Variants in YPEL2 observed in about 807,000 individuals in gnomAD.
YPEL2 encodes the protein yippee like 2.
YPEL2 carries 2 observed loss-of-function variants against 19.1 expected under a neutral mutation model. That is an observed-to-expected ratio of 0.10 (90% CI 0.04 to 0.33). YPEL2 has a LOEUF of 0.33. Among genes scored for constraint, YPEL2 ranks in the 10% least tolerant of loss-of-function variants. YPEL2 has a pLI of 1.00. For missense variants in YPEL2, 66 were observed against 140.7 expected, an observed-to-expected ratio of 0.47 and a Z score of 2.68; for synonymous variants, 52 against 50.0, an observed-to-expected ratio of 1.04 and a Z score of -0.17.
intron 2 of YPEL2, chr17:59,354,789 C>T (rs1465724010): frequency 2.6e-5 from 4 of 152,260 alleles, no homozygotes; most frequent in Admixed American, 2.6e-4. Flanking sequence ...AATTCCTCTC[C>T]TTTATGCTGC....
intron 4 of YPEL2, among the ~76,000 whole-genome samples, chr17:59,392,459 A>G (rs1414445151): frequency 2.0e-5 from 3 of 150,678 alleles, no homozygotes; most frequent in Non-Finnish European, 4.4e-5. Context: ...GAAACACCCA[A>G]CACCCCAAAT....
intron 2 of YPEL2, chr17:59,355,173 T>C (rs2047806690): frequency 6.6e-6 from 1 of 152,220 alleles, no homozygotes; most frequent in Non-Finnish European, 1.5e-5. Flanking sequence ...AACCTTCATA[T>C]GAAGTCTTTA....
chr17:59,377,113 G>C (rs547907055), intron 2 of YPEL2, among the ~76,000 whole-genome samples: 1 of 152,200 alleles, frequency 6.6e-6, no homozygotes, highest in East Asian at 1.9e-4. Context: ...GAGTCGGTAG[G>C]TTTTGCCCAC....
chr17:59,388,175 A>T, intron 2 of YPEL2, 152 bp from the exon 3 acceptor site: 1 of 764,766 alleles, frequency 1.3e-6, no homozygotes, highest in Non-Finnish European at 2.3e-6. Flanking sequence ...CTCCGCCCCC[A>T]CACCATCTGC....
chr17:59,333,970 A>G (rs1168170981), intron 1 of YPEL2, among the ~76,000 whole-genome samples: 3 of 152,228 alleles, frequency 2.0e-5, no homozygotes, highest in African/African-American at 7.2e-5. Context: ...ATACTCTGCA[A>G]TCCCAAAATC....
chr17:59,358,677 T>G (rs1415386472), intron 2 of YPEL2, among the ~76,000 whole-genome samples: 2 of 152,106 alleles, frequency 1.3e-5, no homozygotes, highest in Non-Finnish European at 2.9e-5. Flanking sequence ...TGGCACAATC[T>G]TGACTTACCG....
intron 2 of YPEL2, among the ~76,000 whole-genome samples, chr17:59,374,793 G>A (rs9889757): frequency 0.014 from 2,071 of 152,254 alleles, 47 homozygotes; most frequent in African/African-American, 0.047. Context: ...CTTTTGACCC[G>A]AAAGCCGAAC....
intron 1 of YPEL2, among the ~76,000 whole-genome samples, chr17:59,336,925 G>C (rs2047701452): frequency 6.6e-6 from 1 of 152,198 alleles, no homozygotes; most frequent in Admixed American, 6.5e-5. Context: ...TTTTTGGAAG[G>C]ACGAGTTTTC....
chr17:59,368,111 TCTCA>T (rs1390393378), intron 2 of YPEL2, among the ~76,000 whole-genome samples: 1 of 151,594 alleles, frequency 6.6e-6, no homozygotes, highest in African/African-American at 2.4e-5. Flanking sequence ...TGAGACAGAG[TCTCA>T]CTCTGTTGCC....
At chr17:59,339,960 T>C (rs2047719620) in intron 1 of YPEL2, among the ~76,000 whole-genome samples, 1 of 152,118 alleles carries the variant, frequency 6.6e-6, no homozygotes, top group Admixed American at 6.5e-5. Flanking sequence ...AACCAAGGCT[T>C]ACTGAGCTTT....
chr17:59,394,947 G>C (rs1001901526), intron 4 of YPEL2, among the ~76,000 whole-genome samples: 1 of 152,304 alleles, frequency 6.6e-6, no homozygotes, highest in East Asian at 1.9e-4. Context: ...AAACCAGTCA[G>C]GCGTGGCGGC....
intron 2 of YPEL2, among the ~76,000 whole-genome samples, chr17:59,367,262 C>T (rs1567746987): frequency 6.6e-6 from 1 of 152,098 alleles, no homozygotes; most frequent in Admixed American, 6.5e-5. Context: ...GGCCTGTAAC[C>T]AGGGCTAAAA....
At chr17:59,394,753 G>A (rs1191962173) in intron 4 of YPEL2, among the ~76,000 whole-genome samples, 1 of 152,230 alleles carries the variant, frequency 6.6e-6, no homozygotes, top group South Asian at 2.1e-4. Flanking sequence ...GGAGGTGGAG[G>A]TTGTAGCGAG....
intron 1 of YPEL2, among the ~76,000 whole-genome samples, chr17:59,347,122 T>TA (rs1456563594): frequency 6.6e-6 from 1 of 152,174 alleles, no homozygotes; most frequent in African/African-American, 2.4e-5. Flanking sequence ...GCCAGGCACA[T>TA]ATGCTGAATA....
At chr17:59,375,960 A>G (rs955087723) in intron 2 of YPEL2, among the ~76,000 whole-genome samples, 9 of 152,216 alleles carry the variant, frequency 5.9e-5, no homozygotes, top group African/African-American at 2.2e-4. Flanking sequence ...TTGACTTACA[A>G]GCTGTGTGAA....
At chr17:59,383,936 T>G (rs951972863) in intron 2 of YPEL2, among the ~76,000 whole-genome samples, 26 of 152,172 alleles carry the variant, frequency 1.7e-4, no homozygotes, top group African/African-American at 6.3e-4. Flanking sequence ...TTAGGTTGTT[T>G]CCAGTTTGGG....
At chr17:59,387,151 T>C (rs1314658894) in intron 2 of YPEL2, among the ~76,000 whole-genome samples, 1 of 146,210 alleles carries the variant, frequency 6.8e-6, no homozygotes, top group Non-Finnish European at 1.5e-5. Flanking sequence ...TCCCAGCTAC[T>C]CAGGAGGCGG....
chr17:59,377,444 C>G (rs978216807), intron 2 of YPEL2, among the ~76,000 whole-genome samples: 2 of 152,172 alleles, frequency 1.3e-5, no homozygotes, highest in African/African-American at 4.8e-5. Context: ...AAGCTAGACT[C>G]CCTGAACAGA....
At chr17:59,347,716 A>T (rs922130997) in intron 1 of YPEL2, among the ~76,000 whole-genome samples, 2 of 152,156 alleles carry the variant, frequency 1.3e-5, no homozygotes, top group Non-Finnish European at 2.9e-5. Flanking sequence ...TGAAAAGAGA[A>T]TTCTAGATTT....
Sources: gnomAD v4.1 joint callset for allele counts (sites outside exome capture counted in the v4.1 genomes callset) on GRCh38, gnomAD v4.1.1 for gene constraint, MANE v1.5 for transcripts, NCBI Gene and HGNC (gene_info 2026-07-23, HGNC 2026-07-21) for gene names.